Variants in TENM1 observed in about 807,000 individuals in gnomAD.
TENM1 encodes the protein teneurin transmembrane protein 1.
TENM1 carries 35 observed loss-of-function variants against 174.8 expected under a neutral mutation model. The ratio of observed to expected loss-of-function variants is 0.20; its 90% CI spans 0.15 to 0.27. The LOEUF (loss-of-function observed/expected upper bound fraction) is 0.27. Among genes scored for constraint, TENM1 ranks in the 10% least tolerant of loss-of-function variants. The pLI, the probability that TENM1 is intolerant of heterozygous loss-of-function variation, is 1.00. For missense variants in TENM1, 1,633 were observed against 2,130.1 expected (o/e 0.77, Z 4.59); for synonymous variants, 781 against 798.7 (o/e 0.98, Z 0.37).
At chrX:124,434,856 T>G (rs2060819174) in intron 23 of TENM1, among the ~76,000 whole-genome samples, 1 of 112,326 alleles carries the variant, frequency 8.9e-6, no homozygotes, top group Admixed American at 9.5e-5. Context: ...TTTCTCGGGT[T>G]TTATCATTAC....
intron 3 of TENM1, among the ~76,000 whole-genome samples, chrX:124,845,959 A>C (rs1052422506): frequency 1.8e-5 from 2 of 110,325 alleles, no homozygotes; most frequent in Non-Finnish European, 3.8e-5. Context: ...TGTAGCCTTC[A>C]TAGAGAATAT....
At chrX:125,003,213 C>T in the TENM1 span, among the ~76,000 whole-genome samples, 4 of 111,442 alleles carry the variant, frequency 3.6e-5, no homozygotes. Context: ...ACCTGTGATG[C>T]TATGCCTGAT....
intron 1 of TENM1, among the ~76,000 whole-genome samples, chrX:124,955,791 G>A (rs932082950): frequency 1.2e-5 from 1 of 83,574 alleles, no homozygotes; most frequent in Admixed American, 1.2e-4. Context: ...TACAACACAC[G>A]CGCACGCACA....
intron 14 of TENM1, among the ~76,000 whole-genome samples, chrX:124,553,606 G>T (rs1602651708): frequency 1.0e-5 from 1 of 95,702 alleles, no homozygotes; most frequent in Admixed American, 1.2e-4. Flanking sequence ...GCCAGCCTTT[G>T]GTAACCATCT....
intron 23 of TENM1, among the ~76,000 whole-genome samples, chrX:124,440,789 C>A (rs764626002): frequency 4.5e-5 from 5 of 111,233 alleles, no homozygotes; most frequent in Admixed American, 3.8e-4. Context: ...CTGAAAAAAG[C>A]CTTTTTAAAT....
chrX:124,483,264 G>C (rs190383728), intron 21 of TENM1, among the ~76,000 whole-genome samples: 1 of 110,763 alleles, frequency 9.0e-6, no homozygotes, highest in East Asian at 2.8e-4. Flanking sequence ...CTCCAGTCTG[G>C]GTTATTTGCA....
the TENM1 span, among the ~76,000 whole-genome samples, chrX:125,140,239 T>A: frequency 8.9e-6 from 1 of 111,970 alleles, no homozygotes; most frequent in East Asian, 2.8e-4. Flanking sequence ...AAAATTTTAA[T>A]GAAATACTAT....
At chrX:125,049,784 T>C in the TENM1 span, among the ~76,000 whole-genome samples, 1 of 111,349 alleles carries the variant, frequency 9.0e-6, no homozygotes, top group East Asian at 2.8e-4. Context: ...ACTAATGATA[T>C]TGAACCTCTT....
chrX:124,934,056 G>A (rs1475740370), intron 1 of TENM1, among the ~76,000 whole-genome samples: 5 of 111,978 alleles, frequency 4.5e-5, no homozygotes, highest in African/African-American at 1.6e-4. Flanking sequence ...GTGTATACAT[G>A]TATGTGGATT....
the TENM1 span, among the ~76,000 whole-genome samples, chrX:125,083,719 C>A: frequency 1.8e-5 from 2 of 111,180 alleles, no homozygotes; most frequent in African/African-American, 6.5e-5. Context: ...ATATATACAA[C>A]TCTTGAAATT....
the TENM1 span, among the ~76,000 whole-genome samples, chrX:125,015,808 C>T: frequency 9.0e-6 from 1 of 111,554 alleles, no homozygotes; most frequent in African/African-American, 3.3e-5. Flanking sequence ...TTCTCTTCTG[C>T]CATTAGTTCG....
the TENM1 span, among the ~76,000 whole-genome samples, chrX:125,030,919 CA>C: frequency 9.0e-6 from 1 of 110,962 alleles, no homozygotes; most frequent in Non-Finnish European, 1.9e-5. Flanking sequence ...TTTAAATAAC[CA>C]ACCTAGAAAT....
At chrX:124,386,109 G>A in intron 28 of TENM1, 45 bp from the exon 32 acceptor site, 2 of 1,103,524 alleles carry the variant, frequency 1.8e-6, no homozygotes, top group Non-Finnish European at 2.4e-6. Flanking sequence ...GACAACTAAA[G>A]TTGAGGCGAC....
intron 16 of TENM1, among the ~76,000 whole-genome samples, chrX:124,528,493 C>G (rs1234875660): frequency 9.0e-6 from 1 of 110,730 alleles, no homozygotes; most frequent in Non-Finnish European, 1.9e-5. Context: ...ACCCATTTCT[C>G]AATTTGTGGC....
chrX:124,472,384 T>G (rs1314934927), intron 22 of TENM1, among the ~76,000 whole-genome samples: 4 of 69,558 alleles, frequency 5.8e-5, no homozygotes, highest in African/African-American at 1.6e-4. Context: ...TACTCCTGGG[T>G]TTTTTTTTTT....
intron 11 of TENM1, among the ~76,000 whole-genome samples, chrX:124,592,295 C>T (rs1469365557): frequency 1.8e-5 from 2 of 111,551 alleles, no homozygotes; most frequent in African/African-American, 3.3e-5. Flanking sequence ...TTGAAGCTGT[C>T]GCTACATTCA....
At chrX:124,558,080 C>T (rs181761523) in intron 14 of TENM1, among the ~76,000 whole-genome samples, 2 of 112,008 alleles carry the variant, frequency 1.8e-5, no homozygotes, top group East Asian at 5.6e-4. Flanking sequence ...CATAAGATAG[C>T]TTTCCTTTTT....
chrX:124,535,919 C>A (rs1163650785), intron 15 of TENM1, among the ~76,000 whole-genome samples: 1 of 111,925 alleles, frequency 8.9e-6, no homozygotes, highest in Admixed American at 9.5e-5. Context: ...TTATTAGAAG[C>A]CAACACTCTG....
At chrX:124,463,834 GGGGTGT>G (rs1454515283) in intron 22 of TENM1, among the ~76,000 whole-genome samples, 2 of 81,252 alleles carry the variant, frequency 2.5e-5, no homozygotes, top group Middle Eastern at 6.1e-3. Context: ...TATAGAGGTT[GGGGTGT>G]GTGTGTGTGT....
Sources: allele counts gnomAD v4.1 joint callset (sites outside exome capture counted in the v4.1 genomes callset), GRCh38; gene constraint gnomAD v4.1.1; transcripts MANE v1.5; gene names NCBI Gene and HGNC (gene_info 2026-07-23, HGNC 2026-07-21).